CDH19: variants seen among roughly 807,000 people sequenced by gnomAD.
CDH19 encodes cadherin-19.
A neutral mutation model predicts 64.2 loss-of-function variants in CDH19; 67 were observed. The ratio of observed to expected loss-of-function variants is 1.04; its 90% CI spans 0.86 to 1.28. CDH19 has a LOEUF of 1.28. Ranked by LOEUF, CDH19 falls within the 50% of genes most tolerant of loss-of-function variation. The probability of loss-of-function intolerance (pLI) is 0.00; values close to 1 mark genes in which losing one functional copy is unlikely to be tolerated. For synonymous variants in CDH19, 346 were observed against 319.3 expected, an observed-to-expected ratio of 1.08 and a Z score of -0.89; for missense variants, 1,030 against 929.0, an observed-to-expected ratio of 1.11 and a Z score of -1.41.
At chr18:66,537,711 A>G (rs1460341918) in intron 7 of CDH19, among the ~76,000 whole-genome samples, 1 of 152,040 alleles carries the variant, frequency 6.6e-6, no homozygotes, top group Non-Finnish European at 1.5e-5. Context: ...ACAGCTCTGG[A>G]TTCCAGTTAT....
chr18:66,576,255 T>G (rs1476995583), intron 1 of CDH19, among the ~76,000 whole-genome samples: 1 of 151,550 alleles, frequency 6.6e-6, no homozygotes, highest in East Asian at 1.9e-4. Context: ...ATGAGGATTA[T>G]TAGATTTTTA....
chr18:66,600,512 C>A (rs1989011371), intron 1 of CDH19, among the ~76,000 whole-genome samples: 1 of 151,728 alleles, frequency 6.6e-6, no homozygotes, highest in Non-Finnish European at 1.5e-5. Flanking sequence ...GTTTTAAACA[C>A]TGGTTTAAAA....
At chr18:66,569,402 C>T (rs1278243766) in intron 2 of CDH19, among the ~76,000 whole-genome samples, 2 of 151,300 alleles carry the variant, frequency 1.3e-5, no homozygotes, top group African/African-American at 2.4e-5. Context: ...ATTTACACCA[C>T]GAGGCTATCA....
chr18:66,523,318 G>A (rs948928885), intron 9 of CDH19, among the ~76,000 whole-genome samples: 1 of 152,134 alleles, frequency 6.6e-6, no homozygotes, highest in Non-Finnish European at 1.5e-5. Context: ...TCATAAAGAT[G>A]TAAGGAGAAC....
intron 3 of CDH19, among the ~76,000 whole-genome samples, chr18:66,561,198 T>A (rs183251463): frequency 1.3e-5 from 2 of 152,242 alleles, no homozygotes; most frequent in Admixed American, 6.5e-5. Context: ...AAAGTAAATG[T>A]TTGAAAAATT....
intron 1 of CDH19, among the ~76,000 whole-genome samples, chr18:66,593,675 G>A (rs1168447519): frequency 6.6e-6 from 1 of 151,942 alleles, no homozygotes; most frequent in African/African-American, 2.4e-5. Flanking sequence ...GAATAATTCT[G>A]GTTATTTCTT....
chr18:66,524,556 ATATATATATATAT>A (rs1986140998), intron 9 of CDH19, among the ~76,000 whole-genome samples: 1 of 139,902 alleles, frequency 7.1e-6, no homozygotes, highest in Non-Finnish European at 1.6e-5. Context: ...ATATATATAT[ATATATATATATAT>A]AAACATCATC....
intron 1 of CDH19, among the ~76,000 whole-genome samples, chr18:66,594,048 C>A (rs1988815327): frequency 6.6e-6 from 1 of 152,070 alleles, no homozygotes; most frequent in South Asian, 2.1e-4. Context: ...TACAATGACA[C>A]CCACAGGCTC....
At chr18:66,575,388 C>CT (rs548858021) in intron 1 of CDH19, among the ~76,000 whole-genome samples, 3 of 151,970 alleles carry the variant, frequency 2.0e-5, no homozygotes, top group African/African-American at 7.2e-5. Context: ...CCTCTTTACA[C>CT]TTTAACACTG....
chr18:66,539,085 A>G (rs1986788570), intron 7 of CDH19, among the ~76,000 whole-genome samples: 1 of 152,108 alleles, frequency 6.6e-6, no homozygotes, highest in Admixed American at 6.6e-5. Context: ...TGGAAGAGGG[A>G]TTGCTGGGTG....
chr18:66,520,618 A>T (rs1205865396), intron 9 of CDH19, among the ~76,000 whole-genome samples: 1 of 152,050 alleles, frequency 6.6e-6, no homozygotes, highest in Non-Finnish European at 1.5e-5. Flanking sequence ...TTGTTTTAAA[A>T]TTTTATATTT....
In CDH19 at chr18:66,529,871, C is replaced by T. The variant is rs758561860; in HGVS notation, c.1432G>A (p.Val478Ile). ...PEFSQYYETYVCENAGSGQVI... is the reference protein window; with the variant it reads ...PEFSQYYETYICENAGSGQVI... ...TGACCAGAGCCTGCATTTTCACAAACATAAGTCTCATAGTATTGAGAGAAC... is the reference window on the plus strand; with the variant it reads ...TGACCAGAGCCTGCATTTTCACAAATATAAGTCTCATAGTATTGAGAGAAC... The change falls in exon 9 of 12, where the codon GTT becomes ATT. Residue 478 changes from valine to isoleucine, a missense_variant. Val to Ile is a conservative substitution (Grantham distance 29). Coordinates refer to ENST00000262150, the MANE Select transcript of CDH19 (RefSeq NM_021153.4). 1 of 1,594,016 alleles carries T rather than the reference C, an allele frequency of 6.3e-7. No individual in the cohort carries two copies. The highest frequency in any genetic ancestry group is 2.3e-5 in the East Asian group (1 of 43,686).
chr18:66,599,760 G>T (rs1173509330), intron 1 of CDH19, among the ~76,000 whole-genome samples: 2 of 151,942 alleles, frequency 1.3e-5, no homozygotes, highest in Non-Finnish European at 2.9e-5. Context: ...TTAATGGCAT[G>T]AATATAGGAT....
chr18:66,602,843 C>G (rs1989071020), intron 1 of CDH19, among the ~76,000 whole-genome samples: 1 of 151,374 alleles, frequency 6.6e-6, no homozygotes. Flanking sequence ...TTTATTTGGT[C>G]AATATAAATG....
chr18:66,522,314 C>T (rs541251291), intron 9 of CDH19, among the ~76,000 whole-genome samples: 83 of 152,034 alleles, frequency 5.5e-4, no homozygotes, highest in African/African-American at 2.0e-3. Context: ...GTGATGTTGG[C>T]TCACTGCAAC....
chr18:66,583,219 A>G (rs1186046962), intron 1 of CDH19, among the ~76,000 whole-genome samples: 2 of 152,130 alleles, frequency 1.3e-5, no homozygotes, highest in Non-Finnish European at 2.9e-5. Flanking sequence ...CAGACATATA[A>G]GCATTGATAA....
Position 66,551,355 on chromosome 18 carries a change from A to C in CDH19, c.611-97T>G. On this transcript the variant is annotated intron_variant, in intron 4 of 11. Transcript: ENST00000262150. ...ATTGCAGTATACATTATTTTGCTAT[A>C]TGTTGAACCACTGCAATGTGACAGA... 2.4e-5 allele frequency: 17 copies of C among 709,056 alleles called. No homozygotes were observed. In the South Asian group the frequency reaches 2.9e-4, roughly 12 times the overall value. The allele number at this position is 709,056 out of a possible 1,614,324, so 43.9% of individuals were successfully genotyped here.
intron 3 of CDH19, among the ~76,000 whole-genome samples, chr18:66,555,908 A>G (rs1987501287): frequency 6.6e-6 from 1 of 151,756 alleles, no homozygotes; most frequent in Non-Finnish European, 1.5e-5. Flanking sequence ...TTCTAGAATT[A>G]TATTTCCTAT....
intron 7 of CDH19, among the ~76,000 whole-genome samples, chr18:66,541,830 A>G (rs1986897965): frequency 3.9e-5 from 6 of 152,144 alleles, no homozygotes; most frequent in Admixed American, 3.3e-4. Flanking sequence ...GTAAGTAGAC[A>G]CCAATGGTGA....
Sources: gnomAD v4.1 joint callset for allele counts (sites outside exome capture counted in the v4.1 genomes callset) on GRCh38, gnomAD v4.1.1 for gene constraint, MANE v1.5 for transcripts, NCBI Gene and HGNC (gene_info 2026-07-23, HGNC 2026-07-21) for gene names.